LMBR1: variants seen among roughly 807,000 people sequenced by gnomAD.
LMBR1 encodes the protein limb development membrane protein 1, also known as limb region 1 protein homolog.
Under a neutral mutation model 73.9 loss-of-function variants are expected in LMBR1, and 52 were observed. The observed-to-expected ratio is 0.70, with a 90% CI of 0.56 to 0.89. The LOEUF is 0.89. Among genes scored for constraint, LMBR1 ranks in the 40% least tolerant of loss-of-function variants. The probability of loss-of-function intolerance (pLI) is 0.00; values close to 1 mark genes in which losing one functional copy is unlikely to be tolerated. For synonymous variants in LMBR1, 215 were observed against 209.4 expected, an observed-to-expected ratio of 1.03 and a Z score of -0.23; for missense variants, 539 against 579.8, an observed-to-expected ratio of 0.93 and a Z score of 0.72.
At chr7:156,781,840 A>C (rs530951265) in intron 5 of LMBR1, among the ~76,000 whole-genome samples, 1 of 152,302 alleles carries the variant, frequency 6.6e-6, no homozygotes, top group African/African-American at 2.4e-5. Flanking sequence ...TGCATAACAT[A>C]AAGTTCACCA....
Position 156,714,901 on chromosome 7 carries a change from A to T in LMBR1, c.1225+9211T>A, listed in dbSNP as rs1260099878. On this transcript the variant is annotated intron_variant, in intron 15 of 16. Transcript: ENST00000353442. ...ACGCCAAGGAAACGGAGAAGAGGAC[A>T]AATATTTACTGAGTATCTACTGAGT... 2.0e-5 allele frequency among the ~76,000 whole-genome samples: 3 copies of T among 152,232 alleles called. 1 individual carries two copies. The highest frequency in any genetic ancestry group is 4.8e-5 in the African/African-American group (2 of 41,468).
intron 4 of LMBR1, 135 bp downstream of exon 4, chr7:156,826,470 A>T: frequency 1.9e-6 from 1 of 520,548 alleles, no homozygotes; most frequent in Non-Finnish European, 3.2e-6. Context: ...GTTTTCTGAC[A>T]TTATTAAAGA....
intron 15 of LMBR1, among the ~76,000 whole-genome samples, chr7:156,713,506 T>C (rs562484089): frequency 6.0e-4 from 92 of 152,194 alleles, no homozygotes; most frequent in African/African-American, 1.8e-3. Context: ...GTACGTGTGC[T>C]ATCTCTGCAC....
chr7:156,828,484 A>C (rs1836088271), intron 3 of LMBR1, among the ~76,000 whole-genome samples: 1 of 152,174 alleles, frequency 6.6e-6, no homozygotes, highest in Admixed American at 6.5e-5. Flanking sequence ...CAAATATCTG[A>C]CATTTGTGAC....
chr7:156,782,693 C>T (rs372464802), intron 5 of LMBR1, among the ~76,000 whole-genome samples: 101 of 152,224 alleles, frequency 6.6e-4, no homozygotes, highest in African/African-American at 2.2e-3. Context: ...TACAGGCACA[C>T]GCCACCATGC....
chr7:156,821,980 C>T (rs568989121), intron 4 of LMBR1, among the ~76,000 whole-genome samples: 76 of 152,360 alleles, frequency 5.0e-4, no homozygotes, highest in African/African-American at 1.7e-3. Context: ...CACACACGAA[C>T]ATGTTTATAC....
At chr7:156,696,012 G>GA in intron 15 of LMBR1, among the ~76,000 whole-genome samples, 1 of 152,178 alleles carries the variant, frequency 6.6e-6, no homozygotes. Flanking sequence ...AACCAGTATG[G>GA]AAAAAAACCC....
intron 1 of LMBR1, among the ~76,000 whole-genome samples, chr7:156,850,704 C>G (rs568081255): frequency 6.6e-6 from 1 of 151,910 alleles, no homozygotes; most frequent in East Asian, 1.9e-4. Context: ...TGAAAGCATT[C>G]CTTTCAAATA....
rs1301117777 is a variant in LMBR1, at chr7:156,680,730, A to C, written c.*3348T>G. On this transcript the variant is annotated 3_prime_UTR_variant, in exon 17 of 17. Coordinates refer to ENST00000353442, the MANE Select transcript of LMBR1 (RefSeq NM_022458.4). Reference sequence around the variant, plus strand: ...AAGAAAATATCCATTTCTTAATTCAACATTCATCAGAATAATTACTGCCCT... The same window carrying C: ...AAGAAAATATCCATTTCTTAATTCACCATTCATCAGAATAATTACTGCCCT... The C allele has an allele frequency of 6.2e-6, 1 of 161,548 alleles. No homozygotes were observed. The highest frequency in any genetic ancestry group is 1.3e-5 in the Non-Finnish European group (1 of 74,494). The allele number at this position is 161,548 out of a possible 1,614,324, so 10.0% of individuals were successfully genotyped here.
chr7:156,732,331 A>T (rs889902362), intron 10 of LMBR1, among the ~76,000 whole-genome samples: 3 of 152,160 alleles, frequency 2.0e-5, no homozygotes, highest in Non-Finnish European at 2.9e-5. Flanking sequence ...CCAGGCCGTG[A>T]TGCAGGAAGG....
At chr7:156,856,899 C>T (rs749788072) in intron 1 of LMBR1, among the ~76,000 whole-genome samples, 7 of 151,838 alleles carry the variant, frequency 4.6e-5, no homozygotes, top group Non-Finnish European at 8.8e-5. Flanking sequence ...GGAATATTCT[C>T]TCATAATGTA....
intron 1 of LMBR1, among the ~76,000 whole-genome samples, chr7:156,888,785 T>A (rs1172096656): frequency 1.3e-5 from 2 of 152,030 alleles, no homozygotes; most frequent in Admixed American, 1.3e-4. Flanking sequence ...CCAGGCACAG[T>A]GGCTCACACC....
In LMBR1 at chr7:156,843,299, TG is replaced by T. The variant is rs1370539730; in HGVS notation, c.67-6415del. 1.3e-4 allele frequency among the ~76,000 whole-genome samples: 20 copies of T among 152,206 alleles called. 1 individual carries two copies. The highest frequency in any genetic ancestry group is 1.2e-3 in the Admixed American group (18 of 15,298). The stretch of plus-strand genomic sequence containing the variant: ...CCCCTGACCACAGTGTGAGAAGCAC[TG>T]GTTTAGGGTATTAGCAAGAGTGAGT... On this transcript the variant is annotated intron_variant, in intron 1 of 16. Transcript: ENST00000353442.
intron 5 of LMBR1, among the ~76,000 whole-genome samples, chr7:156,777,072 C>G (rs1349746874): frequency 4.6e-5 from 7 of 152,084 alleles, no homozygotes; most frequent in Non-Finnish European, 7.4e-5. Context: ...GTTGGGACTA[C>G]AGGCGCCAGC....
At chr7:156,776,506 C>T (rs1826159777) in intron 5 of LMBR1, among the ~76,000 whole-genome samples, 1 of 152,196 alleles carries the variant, frequency 6.6e-6, no homozygotes, top group Non-Finnish European at 1.5e-5. Flanking sequence ...CACCATCTCT[C>T]AGGATCACCT....
At chr7:156,742,104 T>C (rs1238946738) in intron 9 of LMBR1, among the ~76,000 whole-genome samples, 2 of 151,938 alleles carry the variant, frequency 1.3e-5, no homozygotes, top group African/African-American at 4.8e-5. Context: ...CAAATGATAA[T>C]GGAAGCACAA....
At chr7:156,744,733 A>T (rs917213137) in intron 9 of LMBR1, among the ~76,000 whole-genome samples, 2 of 152,192 alleles carry the variant, frequency 1.3e-5, no homozygotes, top group Admixed American at 1.3e-4. Context: ...AAATTATCAT[A>T]AAGTTTCTGG....
intron 1 of LMBR1, among the ~76,000 whole-genome samples, chr7:156,854,051 A>C (rs1796610643): frequency 6.6e-6 from 1 of 152,206 alleles, no homozygotes; most frequent in South Asian, 2.1e-4. Flanking sequence ...CATAAAGGTA[A>C]AAGATAACAT....
At chr7:156,830,202 A>G (rs1348142973) in intron 3 of LMBR1, among the ~76,000 whole-genome samples, 1 of 152,184 alleles carries the variant, frequency 6.6e-6, no homozygotes, top group East Asian at 1.9e-4. Context: ...ACTCAATGTG[A>G]CACTCAATTT....
Sources: gnomAD v4.1 joint callset for allele counts (sites outside exome capture counted in the v4.1 genomes callset) on GRCh38, gnomAD v4.1.1 for gene constraint, MANE v1.5 for transcripts, NCBI Gene and HGNC (gene_info 2026-07-23, HGNC 2026-07-21) for gene names.